The following FAM171B variants were observed in gnomAD, a reference collection of about 807,000 sequenced individuals.
FAM171B encodes the protein family with sequence similarity 171 member B, also known as protein FAM171B.
Under a neutral mutation model 75.6 loss-of-function variants are expected in FAM171B, and 19 were observed. That is an observed-to-expected ratio of 0.25 (90% CI 0.18 to 0.37). The LOEUF (loss-of-function observed/expected upper bound fraction) is 0.37, where lower values mean the gene tolerates loss of function less well. Among genes scored for constraint, FAM171B ranks in the 10% least tolerant of loss-of-function variants. FAM171B has a pLI of 1.00. For missense variants in FAM171B, 848 were observed against 982.4 expected, an observed-to-expected ratio of 0.86 and a Z score of 1.83; for synonymous variants, 367 against 361.7, an observed-to-expected ratio of 1.01 and a Z score of -0.17.
chr2:186,707,154 G>A (rs1689743361), intron 1 of FAM171B, among the ~76,000 whole-genome samples: 1 of 152,080 alleles, frequency 6.6e-6, no homozygotes, highest in Admixed American at 6.6e-5. Context: ...AGGTATCACA[G>A]TTTAATAATA....
rs1041410592 is a variant in FAM171B at position 186,765,494 on chromosome 2, C to T, written c.*2671C>T. The stretch of plus-strand genomic sequence containing the variant: ...CTTTCAGTTCTATAGGGATTATGCC[C>T]TTTTATAATACATAATATACCACAG... On this transcript the variant is annotated 3_prime_UTR_variant, in exon 8 of 8. Transcript: ENST00000304698. 1.3e-5 allele frequency: 2 copies of T among 151,880 alleles called. No homozygotes were observed. Among genetic ancestry groups the T allele is most frequent in the Admixed American group, 1.3e-4 (2 of 15,214 alleles). The allele number at this position is 151,880 out of a possible 1,614,324, so 9.4% of individuals were successfully genotyped here. A position where few individuals can be genotyped will look rare whatever the true frequency, so the allele number is the denominator to read the frequency against.
intron 6 of FAM171B, among the ~76,000 whole-genome samples, chr2:186,757,711 T>C (rs1296887254): frequency 1.3e-5 from 2 of 152,192 alleles, no homozygotes; most frequent in Non-Finnish European, 2.9e-5. Context: ...AATGCTTTTC[T>C]ACCTAACTCC....
chr2:186,740,520 C>T, intron 2 of FAM171B, 59 bp downstream of exon 2: 2 of 1,402,874 alleles, frequency 1.4e-6, no homozygotes, highest in South Asian at 2.7e-5. Flanking sequence ...GAATTATTTT[C>T]TCTGTTTGGG....
At chr2:186,743,636 T>C in intron 3 of FAM171B, 61 bp downstream of exon 3, 1 of 1,117,954 alleles carries the variant, frequency 8.9e-7, no homozygotes, top group Non-Finnish European at 1.4e-6. Flanking sequence ...ACTGTACTTC[T>C]TCACTAAGAA....
chr2:186,711,535 A>G (rs943912246), intron 1 of FAM171B, among the ~76,000 whole-genome samples: 2 of 152,224 alleles, frequency 1.3e-5, no homozygotes, highest in Non-Finnish European at 2.9e-5. Flanking sequence ...GGATGAAGCC[A>G]GTACACAGAA....
In FAM171B at chr2:186,763,055, T is replaced by C; in HGVS notation, c.*232T>C. 2.1e-6 allele frequency: 1 copy of C among 467,020 alleles called. No individual in the cohort carries two copies. Among genetic ancestry groups the C allele is most frequent in the Non-Finnish European group, 3.7e-6 (1 of 270,084 alleles). The allele number at this position is 467,020 out of a possible 1,614,324, so 28.9% of individuals were successfully genotyped here. On this transcript the variant is annotated 3_prime_UTR_variant, in exon 8 of 8. Coordinates refer to ENST00000304698, the MANE Select transcript of FAM171B (RefSeq NM_177454.4). ...ATTTACAGTATCTAAGTTTTCAAAATGTAAAATAGCTTCAAGATGTTAGTT... is the reference window on the plus strand; with the variant it reads ...ATTTACAGTATCTAAGTTTTCAAAACGTAAAATAGCTTCAAGATGTTAGTT...
chr2:186,736,739 G>A (rs1436436551), intron 1 of FAM171B, among the ~76,000 whole-genome samples: 1 of 125,356 alleles, frequency 8.0e-6, no homozygotes, highest in Non-Finnish European at 1.6e-5. Context: ...TATTTGAAAT[G>A]TCTTTGTTAT....
Position 186,698,950 on chromosome 2 carries a change from G to A in FAM171B, c.238+4539G>A, listed in dbSNP as rs78199084. On this transcript the variant is annotated intron_variant, in intron 1 of 7. Coordinates refer to ENST00000304698, the MANE Select transcript of FAM171B (RefSeq NM_177454.4). The stretch of plus-strand genomic sequence containing the variant: ...CTGTTCCATTCATGTTGTTGCAAAT[G>A]AGAGGATCTGATCCTTGTTAATGGT... Among the ~76,000 whole-genome samples, 165 of 152,268 alleles carry A rather than the reference G, an allele frequency of 1.1e-3. 1 individual carries two copies. The highest frequency in any genetic ancestry group is 3.8e-3 in the African/African-American group (159 of 41,560).
intron 5 of FAM171B, among the ~76,000 whole-genome samples, chr2:186,752,168 G>A (rs1690465498): frequency 6.6e-6 from 1 of 152,202 alleles, no homozygotes; most frequent in South Asian, 2.1e-4. Context: ...TAGTTGTAGA[G>A]TGGAGTTTGC....
In FAM171B at chr2:186,740,437, C is replaced by A. The variant is rs1487927824; in HGVS notation, c.448C>A (p.Pro150Thr). Reference protein sequence around the residue: ...YKDGYVLTPLPWKTRRMPIYS... With the variant: ...YKDGYVLTPLTWKTRRMPIYS... ...AGATGGCTACGTGTTGACCCCTCTG[C>A]CTTGGAAAACCAGAAGAATGCCAAG... Residue 150 changes from proline (P) to threonine (T), a missense_variant, in exon 2 of 8, where the codon CCT becomes ACT. Pro to Thr is a conservative substitution (Grantham distance 38). Transcript: ENST00000304698. 1.9e-6 allele frequency: 3 copies of A among 1,611,570 alleles called. No homozygotes were observed. In the African/African-American group the frequency reaches 4.0e-5, roughly 22 times the overall value.
intron 1 of FAM171B, among the ~76,000 whole-genome samples, chr2:186,717,712 T>A (rs930695460): frequency 2.0e-5 from 3 of 152,138 alleles, no homozygotes; most frequent in Non-Finnish European, 4.4e-5. Context: ...CTTGCTAAGG[T>A]GAAGAGAGAC....
At chr2:186,712,960 A>G (rs923834170) in intron 1 of FAM171B, among the ~76,000 whole-genome samples, 2 of 152,256 alleles carry the variant, frequency 1.3e-5, no homozygotes, top group Admixed American at 6.5e-5. Context: ...TCAGTCTTCA[A>G]TAATTATCAA....
chr2:186,754,964 G>T (rs1449092), intron 6 of FAM171B, among the ~76,000 whole-genome samples: 1 of 152,116 alleles, frequency 6.6e-6, no homozygotes, highest in African/African-American at 2.4e-5. Flanking sequence ...GGAGGCTGGG[G>T]AGCAAAACCA....
intron 6 of FAM171B, among the ~76,000 whole-genome samples, chr2:186,758,462 G>T (rs1574114603): frequency 6.6e-6 from 1 of 152,232 alleles, no homozygotes; most frequent in Non-Finnish European, 1.5e-5. Context: ...GGAGCCTTAT[G>T]CTGGATGTTT....
chr2:186,709,980 G>T (rs1398984042), intron 1 of FAM171B, among the ~76,000 whole-genome samples: 1 of 152,150 alleles, frequency 6.6e-6, no homozygotes, highest in Non-Finnish European at 1.5e-5. Context: ...TTAGCCTAGA[G>T]ATTCACTCAT....
chr2:186,707,068 A>G (rs1023634420), intron 1 of FAM171B, among the ~76,000 whole-genome samples: 11 of 152,124 alleles, frequency 7.2e-5, no homozygotes, highest in Non-Finnish European at 1.5e-4. Flanking sequence ...AATATCATCT[A>G]TATTCTAAGA....
intron 1 of FAM171B, among the ~76,000 whole-genome samples, chr2:186,700,068 A>G (rs1221826847): frequency 1.5e-5 from 2 of 137,220 alleles, no homozygotes; most frequent in Non-Finnish European, 3.3e-5. Context: ...GATTTCTCCA[A>G]TTTTGTTGTT....
intron 6 of FAM171B, among the ~76,000 whole-genome samples, chr2:186,755,839 G>A (rs1690524470): frequency 6.6e-6 from 1 of 152,070 alleles, no homozygotes; most frequent in African/African-American, 2.4e-5. Context: ...ATTTCTATTT[G>A]AACTTAGTGC....
chr2:186,736,451 A>G (rs972955622), intron 1 of FAM171B, among the ~76,000 whole-genome samples: 1 of 151,876 alleles, frequency 6.6e-6, no homozygotes, highest in Non-Finnish European at 1.5e-5. Flanking sequence ...AACTAACACA[A>G]CGCATGGCTT....
Sources: gnomAD v4.1 joint callset for allele counts (sites outside exome capture counted in the v4.1 genomes callset) on GRCh38, gnomAD v4.1.1 for gene constraint, MANE v1.5 for transcripts, NCBI Gene and HGNC (gene_info 2026-07-23, HGNC 2026-07-21) for gene names.